The following DGKD variants were observed in gnomAD, a reference collection of about 807,000 sequenced individuals.
DGKD encodes diacylglycerol kinase delta.
In DGKD, 68 loss-of-function variants were observed where a neutral mutation model predicts 154.4. The ratio of observed to expected loss-of-function variants is 0.44; its 90% CI spans 0.36 to 0.54. The LOEUF (loss-of-function observed/expected upper bound fraction) is 0.54. Ranked by LOEUF, DGKD falls within the 20% of genes least tolerant of loss-of-function variation. The pLI, the probability that DGKD is intolerant of heterozygous loss-of-function variation, is 0.00. For synonymous variants in DGKD, 693 were observed against 638.0 expected (o/e 1.09, Z -1.30); for missense variants, 1,343 against 1,593.6 (o/e 0.84, Z 2.68).
At chr2:233,412,278 A>G (rs769817116) in intron 3 of DGKD, among the ~76,000 whole-genome samples, 3 of 152,102 alleles carry the variant, frequency 2.0e-5, no homozygotes, top group Non-Finnish European at 4.4e-5. Context: ...CTCTTTATTT[A>G]GGTGCTTTAA....
At chr2:233,419,399 G>A in intron 3 of DGKD, 3 of 985,606 alleles carry the variant, frequency 3.0e-6, no homozygotes, top group East Asian at 1.1e-4. Flanking sequence ...GCTGGAAACT[G>A]TTCTGAGCAG....
chr2:233,463,159 C>T (rs1015388639), intron 26 of DGKD, among the ~76,000 whole-genome samples: 3 of 152,130 alleles, frequency 2.0e-5, no homozygotes, highest in African/African-American at 4.8e-5. Context: ...ACTGGCCAGC[C>T]TTCTGGTTTT....
chr2:233,462,385 CA>C lies in DGKD; in HGVS notation c.3020del (p.Gln1007ArgfsTer36). The C allele has an allele frequency of 6.2e-7, 1 of 1,604,392 alleles. No individual in the cohort carries two copies. Among genetic ancestry groups the C allele is most frequent in the Non-Finnish European group, 8.5e-7 (1 of 1,171,924 alleles). ...AGCTCAGTCTCACCGGGACATGGAGCAGGAACTGGCCCACGCCGTCAATGCC... is the reference window on the plus strand; with the variant it reads ...AGCTCAGTCTCACCGGGACATGGAGCGGAACTGGCCCACGCCGTCAATGCC... ...EIAQSHRDMEQELAHAVNASS... is the reference protein window; with the variant it reads ...EIAQSHRDMEXELAHAVNASS... On this transcript the variant is annotated frameshift_variant, in exon 25 of 30. Transcript: ENST00000264057. LOFTEE classifies it high-confidence loss of function.
intron 24 of DGKD, 83 bp from the exon 25 acceptor site, chr2:233,462,265 C>A: frequency 8.7e-7 from 1 of 1,146,496 alleles, no homozygotes; most frequent in Non-Finnish European, 1.3e-6. Context: ...CCAGGTGGTA[C>A]CTGGGCCGTG....
rs751184377 is a variant in DGKD, at chr2:233,436,516, C to T, written c.819+75C>T. On this transcript the variant is annotated intron_variant, in intron 7 of 29. Transcript: ENST00000264057. ...CGTGCCCATGCGGGCCTTGCGGCTC[C>T]GCATGATCTGCTGGATCCTGGTAAA... 52 of 1,537,728 alleles carry T rather than the reference C, an allele frequency of 3.4e-5. 1 individual carries two copies. The highest frequency in any genetic ancestry group is 4.1e-5 in the Non-Finnish European group (47 of 1,146,618).
intron 17 of DGKD, among the ~76,000 whole-genome samples, chr2:233,451,736 G>A (rs943398034): frequency 6.6e-6 from 1 of 151,984 alleles, no homozygotes; most frequent in Non-Finnish European, 1.5e-5. Context: ...CCATTTTTTT[G>A]TGTGTTTTGT....
At chr2:233,387,307 T>C (rs1046647137) in intron 1 of DGKD, among the ~76,000 whole-genome samples, 7 of 152,216 alleles carry the variant, frequency 4.6e-5, no homozygotes, top group African/African-American at 1.7e-4. Flanking sequence ...GAACAGAATT[T>C]TTAGGAAGCC....
chr2:233,375,676 A>G (rs1348097761), intron 1 of DGKD, among the ~76,000 whole-genome samples: 2 of 151,964 alleles, frequency 1.3e-5, no homozygotes, highest in Non-Finnish European at 2.9e-5. Context: ...GGTGTGTTTC[A>G]CTGACTTCCA....
intron 1 of DGKD, among the ~76,000 whole-genome samples, chr2:233,383,672 C>G (rs1334369362): frequency 1.3e-5 from 2 of 152,222 alleles, no homozygotes; most frequent in African/African-American, 4.8e-5. Flanking sequence ...GGCTAACCTG[C>G]CATCTCAGCC....
chr2:233,462,562 C>A, intron 25 of DGKD, 81 bp from the exon 26 acceptor site: 2 of 1,531,864 alleles, frequency 1.3e-6, no homozygotes, highest in South Asian at 1.1e-5. Context: ...GCATGTTCGG[C>A]CCTCCCAGTG....
intron 27 of DGKD, 41 bp from the exon 28 acceptor site, chr2:233,467,045 G>T (rs1254221243): frequency 4.6e-6 from 7 of 1,519,414 alleles, no homozygotes; most frequent in Non-Finnish European, 6.4e-6. Flanking sequence ...GCCGTGATCA[G>T]TTGCAGCCTG....
chr2:233,370,613 C>A (rs1421340477), intron 1 of DGKD, among the ~76,000 whole-genome samples: 1 of 115,680 alleles, frequency 8.6e-6, no homozygotes, highest in African/African-American at 3.5e-5. Context: ...ATACTCTGTT[C>A]TGTCAATGTA....
intron 2 of DGKD, 80 bp from the exon 3 acceptor site, chr2:233,390,323 G>T: frequency 1.0e-6 from 1 of 981,928 alleles, no homozygotes; most frequent in Non-Finnish European, 1.6e-6. Context: ...GATCATTGGG[G>T]TGTGGTGGGC....
intron 19 of DGKD, among the ~76,000 whole-genome samples, chr2:233,455,448 C>G (rs1156644151): frequency 2.0e-5 from 3 of 152,210 alleles, no homozygotes; most frequent in African/African-American, 4.8e-5. Flanking sequence ...TCTTCTCAAG[C>G]TTTTCTTCCT....
chr2:233,448,089 A>G lies in DGKD; in HGVS notation c.1422A>G (p.Val474=), dbSNP rs974947657. Residue 474 remains valine, a splice_region_variant and synonymous_variant, in exon 13 of 30, where the codon GTA becomes GTG. Transcript: ENST00000264057. ...CTGGCCATTTGGGGTGATTGCAGGT[A>G]CAGCAGATTCTCTTCTATGAAGACT... The part of the protein sequence containing the change: ...VTEDFSEDSE[V]QQILFYEDSV... 6.2e-7 allele frequency: 1 copy of G among 1,613,972 alleles called. No individual in the cohort carries two copies. The highest frequency in any genetic ancestry group is 1.3e-5 in the African/African-American group (1 of 74,910).
At chr2:233,422,277 T>C (rs2062143756) in intron 3 of DGKD, among the ~76,000 whole-genome samples, 1 of 152,374 alleles carries the variant, frequency 6.6e-6, no homozygotes, top group South Asian at 2.1e-4. Flanking sequence ...TCAGGTTACA[T>C]AGCTCCACTG....
At chr2:233,409,703 T>C (rs2061774679) in intron 3 of DGKD, among the ~76,000 whole-genome samples, 1 of 152,100 alleles carries the variant, frequency 6.6e-6, no homozygotes, top group Non-Finnish European at 1.5e-5. Context: ...CTGCTGTTTA[T>C]TGACCCAGTC....
intron 1 of DGKD, among the ~76,000 whole-genome samples, chr2:233,382,387 C>T (rs1222488865): frequency 6.6e-6 from 1 of 152,166 alleles, no homozygotes; most frequent in Non-Finnish European, 1.5e-5. Context: ...TAACCATAGT[C>T]AGGTTTCTGT....
intron 1 of DGKD, among the ~76,000 whole-genome samples, chr2:233,374,678 T>C (rs1459233538): frequency 6.6e-6 from 1 of 152,054 alleles, no homozygotes; most frequent in East Asian, 1.9e-4. Context: ...GGTCTTGTTC[T>C]GTCATCCAGG....
Sources: gnomAD v4.1 joint callset for allele counts (sites outside exome capture counted in the v4.1 genomes callset) on GRCh38, gnomAD v4.1.1 for gene constraint, MANE v1.5 for transcripts, NCBI Gene and HGNC (gene_info 2026-07-23, HGNC 2026-07-21) for gene names.